The following LPAR1 variants were observed in gnomAD, a reference collection of about 807,000 sequenced individuals.
LPAR1 encodes LPA receptor 1.
LPAR1 carries 5 observed loss-of-function variants against 23.8 expected under a neutral mutation model. The observed-to-expected ratio is 0.21, with a 90% CI of 0.11 to 0.44. The LOEUF is 0.44. Ranked by LOEUF, LPAR1 falls within the 20% of genes least tolerant of loss-of-function variation. LPAR1 has a pLI of 0.99. For synonymous variants in LPAR1, 160 were observed against 164.7 expected, an observed-to-expected ratio of 0.97 and a Z score of 0.22; for missense variants, 311 against 482.8, an observed-to-expected ratio of 0.64 and a Z score of 3.33.
chr9:110,962,296 TG>T (rs1215460497), intron 4 of LPAR1, among the ~76,000 whole-genome samples: 2 of 152,164 alleles, frequency 1.3e-5, no homozygotes, highest in African/African-American at 4.8e-5. Flanking sequence ...TGAGCTGGGA[TG>T]CTTCCTGGGT....
intron 2 of LPAR1, among the ~76,000 whole-genome samples, chr9:111,026,996 G>A (rs2097703699): frequency 6.6e-6 from 1 of 152,014 alleles, no homozygotes; most frequent in South Asian, 2.1e-4. Context: ...TTCTTTTTTT[G>A]TTGTGTCTCT....
At chr9:111,016,858 A>C (rs151245052) in intron 2 of LPAR1, among the ~76,000 whole-genome samples, 1 of 152,338 alleles carries the variant, frequency 6.6e-6, no homozygotes, top group African/African-American at 2.4e-5. Context: ...GGCTTTTCTG[A>C]GATAAGCAAT....
intron 4 of LPAR1, among the ~76,000 whole-genome samples, chr9:110,960,286 G>A: frequency 6.6e-6 from 1 of 152,154 alleles, no homozygotes; most frequent in East Asian, 1.9e-4. Flanking sequence ...CATTCTATGT[G>A]TGTAATAAAA....
intron 2 of LPAR1, among the ~76,000 whole-genome samples, chr9:110,975,825 T>A (rs1252371728): frequency 1.3e-5 from 2 of 152,164 alleles, no homozygotes; most frequent in Non-Finnish European, 2.9e-5. Flanking sequence ...GACAGAAAAT[T>A]AACTGCCTTC....
In LPAR1 at chr9:110,883,817, T is replaced by C. The variant is rs190187325; in HGVS notation, c.794-8095A>G. Among the ~76,000 whole-genome samples, 56 of 152,328 alleles carry C rather than the reference T, an allele frequency of 3.7e-4. 1 individual carries two copies. The East Asian group carries it at 0.011, about 29-fold the overall frequency. On this transcript the variant is annotated intron_variant, in intron 5 of 5. Transcript: ENST00000683809. ...AGACATTTCCTGCAGCCCGCTGACTTACTAACCCAATCGAACCCATTGATT... is the reference window on the plus strand; with the variant it reads ...AGACATTTCCTGCAGCCCGCTGACTCACTAACCCAATCGAACCCATTGATT...
chr9:110,975,515 G>T (rs531063063), intron 2 of LPAR1, among the ~76,000 whole-genome samples: 1 of 152,176 alleles, frequency 6.6e-6, no homozygotes, highest in Non-Finnish European at 1.5e-5. Flanking sequence ...AAGAGCTGAG[G>T]TCTGAACCAG....
intron 2 of LPAR1, among the ~76,000 whole-genome samples, chr9:110,985,707 T>A: frequency 6.6e-6 from 1 of 152,116 alleles, no homozygotes; most frequent in Non-Finnish European, 1.5e-5. Context: ...ATCCTGACAC[T>A]TACCAAAATA....
chr9:110,919,898 A>C (rs1056244068), intron 5 of LPAR1, among the ~76,000 whole-genome samples: 5 of 152,202 alleles, frequency 3.3e-5, no homozygotes, highest in Non-Finnish European at 7.3e-5. Flanking sequence ...CTCAGCACAC[A>C]CACATCAATG....
At chr9:110,933,833 ACT>A (rs1250528572) in intron 5 of LPAR1, among the ~76,000 whole-genome samples, 1 of 151,976 alleles carries the variant, frequency 6.6e-6, no homozygotes, top group African/African-American at 2.4e-5. Flanking sequence ...TTCAAAAGGA[ACT>A]CTGTTAGGTT....
At chr9:110,952,219 C>T (rs896941793) in intron 4 of LPAR1, among the ~76,000 whole-genome samples, 2 of 152,136 alleles carry the variant, frequency 1.3e-5, no homozygotes, top group Non-Finnish European at 2.9e-5. Flanking sequence ...AACAGCTCTT[C>T]GATGTAGGGA....
In LPAR1 at chr9:110,901,439, A is replaced by T. The variant is rs141799610; in HGVS notation, c.794-25717T>A. ...ATACCTGAGACTGGGTAATTTATAAAGGAAACAGGTTTAATGGACTCACAG... is the reference window on the plus strand; with the variant it reads ...ATACCTGAGACTGGGTAATTTATAATGGAAACAGGTTTAATGGACTCACAG... On this transcript the variant is annotated intron_variant, in intron 5 of 5. Transcript: ENST00000683809. 3.7e-3 allele frequency among the ~76,000 whole-genome samples: 571 copies of T among 152,330 alleles called. 1 individual carries two copies. Among genetic ancestry groups the T allele is most frequent in the African/African-American group, 0.013 (524 of 41,582 alleles).
intron 2 of LPAR1, among the ~76,000 whole-genome samples, chr9:110,996,030 C>G (rs2096994063): frequency 6.6e-6 from 1 of 152,110 alleles, no homozygotes; most frequent in African/African-American, 2.4e-5. Context: ...GCCCCTATGT[C>G]TGAGACATGA....
In LPAR1 at chr9:110,914,881, G is replaced by A. The variant is rs559230064; in HGVS notation, c.793+26540C>T. The stretch of plus-strand genomic sequence containing the variant: ...TTTTAGCTCTCGAGCTAAGACAACT[G>A]CTAATCTCATACTCAAAAATGAAAC... On this transcript the variant is annotated intron_variant, in intron 5 of 5. Coordinates refer to ENST00000683809, the MANE Select transcript of LPAR1 (RefSeq NM_001351411.2). Among the ~76,000 whole-genome samples the A allele has an allele frequency of 1.3e-3, 200 of 152,134 alleles. 1 individual carries two copies. The highest frequency in any genetic ancestry group is 4.5e-3 in the African/African-American group (188 of 41,508).
chr9:111,011,212 G>A (rs1197327266), intron 2 of LPAR1, among the ~76,000 whole-genome samples: 4 of 152,100 alleles, frequency 2.6e-5, no homozygotes, highest in Non-Finnish European at 5.9e-5. Context: ...TTTCAGCCTC[G>A]AATTCGTGTA....
intron 5 of LPAR1, among the ~76,000 whole-genome samples, chr9:110,904,150 G>A (rs1232455572): frequency 6.6e-6 from 1 of 152,024 alleles, no homozygotes; most frequent in African/African-American, 2.4e-5. Context: ...TTTTAAAAAT[G>A]GCTAAAATAA....
chr9:110,900,660 A>G (rs2088541400), intron 5 of LPAR1, among the ~76,000 whole-genome samples: 1 of 152,216 alleles, frequency 6.6e-6, no homozygotes, highest in Non-Finnish European at 1.5e-5. Flanking sequence ...CCCTGTTGCT[A>G]TCACTAGTAT....
In LPAR1 at chr9:110,875,270, G is replaced by A. The variant is rs2078811449; in HGVS notation, c.*151C>T. 1 of 614,592 alleles carries A rather than the reference G, an allele frequency of 1.6e-6. No homozygotes were observed. Among genetic ancestry groups the A allele is most frequent in the Non-Finnish European group, 2.8e-6 (1 of 356,768 alleles). 38.1% of individuals were successfully genotyped at this position (614,592 alleles called of 1,614,324 possible). A position where few individuals can be genotyped will look rare whatever the true frequency, so the allele number is the denominator to read the frequency against. On this transcript the variant is annotated 3_prime_UTR_variant, in exon 6 of 6. Coordinates refer to ENST00000683809, the MANE Select transcript of LPAR1 (RefSeq NM_001351411.2). ...TTCAATATATATCAAGTCTTGTGGG[G>A]TCCAGGAACAAATACTGTCATTGGT...
chr9:110,883,272 C>G (rs1784574), intron 5 of LPAR1, among the ~76,000 whole-genome samples: 123,275 of 152,104 alleles, frequency 0.81, 50,240 homozygotes, highest in East Asian at 0.98. Flanking sequence ...CTGACCTCAG[C>G]TGTTCTGCCC....
chr9:110,939,182 G>C (rs72748193), intron 5 of LPAR1, among the ~76,000 whole-genome samples: 415 of 152,212 alleles, frequency 2.7e-3, no homozygotes, highest in Non-Finnish European at 4.4e-3. Flanking sequence ...TCAAATAGGG[G>C]AGCATACTGT....
Sources: gnomAD v4.1 joint callset for allele counts (sites outside exome capture counted in the v4.1 genomes callset) on GRCh38, gnomAD v4.1.1 for gene constraint, MANE v1.5 for transcripts, NCBI Gene and HGNC (gene_info 2026-07-23, HGNC 2026-07-21) for gene names.